Variants in COX10 observed in about 807,000 individuals in gnomAD.
COX10 encodes the protein cytochrome c oxidase assembly factor heme A:farnesyltransferase COX10.
COX10 carries 27 observed loss-of-function variants against 37.3 expected under a neutral mutation model. That is an observed-to-expected ratio of 0.72 (90% CI 0.53 to 1.00). COX10 has a LOEUF of 1.00. COX10 is among the 50% of genes least tolerant of loss of function. The probability of loss-of-function intolerance (pLI) is 0.00; values close to 1 mark genes in which losing one functional copy is unlikely to be tolerated. For synonymous variants in COX10, 222 were observed against 229.1 expected, an observed-to-expected ratio of 0.97 and a Z score of 0.28; for missense variants, 475 against 563.2, an observed-to-expected ratio of 0.84 and a Z score of 1.59.
chr17:14,193,855 C>A (rs1215116348), intron 6 of COX10, among the ~76,000 whole-genome samples: 2 of 150,582 alleles, frequency 1.3e-5, no homozygotes, highest in Non-Finnish European at 3.0e-5. Flanking sequence ...ATTGTGCAGA[C>A]ATTTGAGGTG....
At chr17:14,176,822 T>C (rs1005770012) in intron 5 of COX10, among the ~76,000 whole-genome samples, 1 of 151,910 alleles carries the variant, frequency 6.6e-6, no homozygotes, top group African/African-American at 2.4e-5. Flanking sequence ...TGAGCTCCCT[T>C]TTGTCTATGT....
At chr17:14,177,096 G>A (rs1905715399) in intron 5 of COX10, 1 of 513,214 alleles carries the variant, frequency 1.9e-6, no homozygotes, top group South Asian at 3.2e-5. Flanking sequence ...TTAAGTTTTA[G>A]TTATGTTGAT....
At chr17:14,198,336 T>C (rs1906430744) in intron 6 of COX10, among the ~76,000 whole-genome samples, 1 of 152,222 alleles carries the variant, frequency 6.6e-6, no homozygotes. Context: ...TCAGAGGCTT[T>C]GGGTTAAATC....
At chr17:14,129,323 TAAATA>T (rs983693547) in intron 4 of COX10, among the ~76,000 whole-genome samples, 6 of 151,862 alleles carry the variant, frequency 4.0e-5, no homozygotes, top group Non-Finnish European at 8.8e-5. Context: ...TAAATGTATA[TAAATA>T]ATGTAATATA....
chr17:14,203,119 C>G (rs1906594144), intron 6 of COX10, among the ~76,000 whole-genome samples: 1 of 152,110 alleles, frequency 6.6e-6, no homozygotes, highest in Non-Finnish European at 1.5e-5. Flanking sequence ...ATTGTGCCTA[C>G]ATGTGAGACA....
chr17:14,106,038 G>T (rs1481036530), intron 4 of COX10, among the ~76,000 whole-genome samples: 1 of 151,730 alleles, frequency 6.6e-6, no homozygotes, highest in Non-Finnish European at 1.5e-5. Context: ...TTTGAGGTAG[G>T]GTTTCGCTCT....
intron 4 of COX10, among the ~76,000 whole-genome samples, chr17:14,138,832 G>T (rs935055234): frequency 2.4e-4 from 37 of 152,128 alleles, no homozygotes; most frequent in African/African-American, 8.7e-4. Flanking sequence ...CCTCATCCCA[G>T]CATTGTCTCT....
At chr17:14,114,416 C>G (rs998979848) in intron 4 of COX10, among the ~76,000 whole-genome samples, 1 of 152,062 alleles carries the variant, frequency 6.6e-6, no homozygotes, top group Non-Finnish European at 1.5e-5. Flanking sequence ...TCATTTCTAT[C>G]AAGTTGAAAT....
intron 6 of COX10, among the ~76,000 whole-genome samples, chr17:14,193,458 A>C (rs1906273201): frequency 1.3e-5 from 2 of 150,570 alleles, no homozygotes; most frequent in African/African-American, 4.9e-5. Flanking sequence ...CAGTGGAGGG[A>C]CTGGCACAGA....
chr17:14,139,196 CT>C lies in COX10; in HGVS notation c.625-20673del, dbSNP rs985077230. ...AAGTAAGTTGGTGCATTGCTCTAGT[CT>C]TTTTTTTATCAATATAAAAAAGGCA... On this transcript the variant is annotated intron_variant, in intron 4 of 6. Coordinates refer to ENST00000261643, the MANE Select transcript of COX10 (RefSeq NM_001303.4). 2.0e-5 allele frequency among the ~76,000 whole-genome samples: 3 copies of C among 151,822 alleles called. No individual in the cohort carries two copies. The East Asian group carries it at 5.8e-4, about 29-fold the overall frequency.
chr17:14,195,831 G>T (rs1473212191), intron 6 of COX10, among the ~76,000 whole-genome samples: 1 of 152,044 alleles, frequency 6.6e-6, no homozygotes, highest in Non-Finnish European at 1.5e-5. Flanking sequence ...CCTGGTCCAG[G>T]GACCACACTT....
intron 4 of COX10, among the ~76,000 whole-genome samples, chr17:14,124,714 G>A (rs1018612867): frequency 6.6e-6 from 1 of 152,142 alleles, no homozygotes; most frequent in Admixed American, 6.6e-5. Flanking sequence ...GTTTTGGGGT[G>A]AAGTTCAGCT....
In COX10 at chr17:14,148,771, A is replaced by G. The variant is rs145092726; in HGVS notation, c.625-11106A>G. On this transcript the variant is annotated intron_variant, in intron 4 of 6. Transcript: ENST00000261643. ...ACATCAGTTGGGCTGTGGTATTTCT[A>G]TCCATTTTTGTTATCTGTGTCATTT... 6.2e-3 allele frequency among the ~76,000 whole-genome samples: 946 copies of G among 152,172 alleles called. 8 individuals are homozygous for G. The highest frequency in any genetic ancestry group is 0.017 in the Middle Eastern group (5 of 292).
intron 1 of COX10, among the ~76,000 whole-genome samples, chr17:14,070,301 C>G (rs2142177532): frequency 6.6e-6 from 1 of 152,284 alleles, no homozygotes; most frequent in East Asian, 1.9e-4. Flanking sequence ...CTAGGGCCCC[C>G]TACTTCTTTC....
At chr17:14,179,524 A>G (rs1905792002) in intron 5 of COX10, among the ~76,000 whole-genome samples, 1 of 152,226 alleles carries the variant, frequency 6.6e-6, no homozygotes, top group Non-Finnish European at 1.5e-5. Context: ...AATGCTTAAC[A>G]GACAGCATAA....
At chr17:14,155,182 C>T (rs771751490) in intron 4 of COX10, among the ~76,000 whole-genome samples, 1 of 152,072 alleles carries the variant, frequency 6.6e-6, no homozygotes, top group Non-Finnish European at 1.5e-5. Flanking sequence ...TGGAAGAAAT[C>T]AGAGCCGATT....
chr17:14,113,519 CTT>C (rs1471520426), intron 4 of COX10, among the ~76,000 whole-genome samples: 3 of 152,260 alleles, frequency 2.0e-5, no homozygotes, highest in East Asian at 3.9e-4. Flanking sequence ...AGTTTTCTCT[CTT>C]ATTTTCATGT....
At chr17:14,076,581 C>T (rs111744524) in intron 2 of COX10, among the ~76,000 whole-genome samples, 154 bp from the exon 3 acceptor site, 167 of 152,268 alleles carry the variant, frequency 1.1e-3, no homozygotes, top group Middle Eastern at 6.8e-3. Flanking sequence ...TTCCATATAG[C>T]ACTCTATAAA....
chr17:14,080,407 G>T (rs1018197433), intron 3 of COX10, among the ~76,000 whole-genome samples: 1 of 151,884 alleles, frequency 6.6e-6, no homozygotes, highest in Middle Eastern at 3.4e-3. Flanking sequence ...TAGAGACGGG[G>T]TTTCACCATG....
Sources: allele counts gnomAD v4.1 joint callset (sites outside exome capture counted in the v4.1 genomes callset), GRCh38; gene constraint gnomAD v4.1.1; transcripts MANE v1.5; gene names NCBI Gene and HGNC (gene_info 2026-07-23, HGNC 2026-07-21).